The following DSCAM variants were observed in gnomAD, a reference collection of about 807,000 sequenced individuals.
The protein encoded by DSCAM is cell adhesion molecule DSCAM.
In DSCAM, 47 loss-of-function variants were observed where a neutral mutation model predicts 217.7. The observed-to-expected ratio is 0.22, with a 90% CI of 0.17 to 0.28. DSCAM has a LOEUF of 0.28. Ranked by LOEUF, DSCAM falls within the 10% of genes least tolerant of loss-of-function variation. The pLI, the probability that DSCAM is intolerant of heterozygous loss-of-function variation, is 1.00. For missense variants in DSCAM, 2,080 were observed against 2,618.3 expected (o/e 0.79, Z 4.49); for synonymous variants, 1,056 against 1,015.3 (o/e 1.04, Z -0.76).
At chr21:40,265,027 GA>G (rs112537966) in intron 11 of DSCAM, among the ~76,000 whole-genome samples, 7 of 151,206 alleles carry the variant, frequency 4.6e-5, no homozygotes, top group Admixed American at 1.3e-4. Flanking sequence ...CATTTATACT[GA>G]AAAAAAATAT....
At chr21:40,619,862 C>T (rs1189090067) in intron 3 of DSCAM, among the ~76,000 whole-genome samples, 1 of 143,402 alleles carries the variant, frequency 7.0e-6, no homozygotes, top group Non-Finnish European at 1.5e-5. Context: ...AAAAGCTCAA[C>T]ATATTAGTAA....
intron 3 of DSCAM, among the ~76,000 whole-genome samples, chr21:40,625,235 G>A (rs2089584579): frequency 6.6e-6 from 1 of 152,030 alleles, no homozygotes; most frequent in African/African-American, 2.4e-5. Flanking sequence ...AGAAACCACA[G>A]AGATATACAT....
chr21:40,577,728 GAAGTT>G (rs1283931459), intron 3 of DSCAM, among the ~76,000 whole-genome samples: 12 of 152,306 alleles, frequency 7.9e-5, no homozygotes, highest in Admixed American at 6.5e-5. Flanking sequence ...CAATTTTACA[GAAGTT>G]AAGTAGGCAA....
chr21:40,762,059 G>A (rs2091341070), intron 1 of DSCAM, among the ~76,000 whole-genome samples: 1 of 152,146 alleles, frequency 6.6e-6, no homozygotes, highest in African/African-American at 2.4e-5. Context: ...AACTAGAGAA[G>A]CAAGAGCAAA....
chr21:40,475,655 A>AC lies in DSCAM; in HGVS notation c.509-106411dup, dbSNP rs202210835. Among the ~76,000 whole-genome samples the AC allele has an allele frequency of 1.3e-3, 198 of 152,182 alleles. 5 individuals carry two copies. In the East Asian group the frequency reaches 0.037, roughly 28 times the overall value. ...AGACCAGCCTGACCAACATGGTGAG[A>AC]CCCCATCTCTACTAAAAATATAAAA... On this transcript the variant is annotated intron_variant, in intron 3 of 32. Coordinates refer to ENST00000400454, the MANE Select transcript of DSCAM (RefSeq NM_001389.5).
At chr21:40,329,010 AAACAAGCATCGGTG>A (rs1389542138) in intron 8 of DSCAM, among the ~76,000 whole-genome samples, 16 of 152,370 alleles carry the variant, frequency 1.1e-4, no homozygotes, top group African/African-American at 3.8e-4. Flanking sequence ...AACATGAAAA[AAACAAGCATCGGTG>A]AACATGTGGA....
At chr21:40,348,253 C>T (rs202048673) in intron 5 of DSCAM, among the ~76,000 whole-genome samples, 4 of 123,270 alleles carry the variant, frequency 3.2e-5, no homozygotes, top group East Asian at 2.5e-4. Context: ...ATACCCCATA[C>T]GGTTCCTATC....
At chr21:40,170,147 T>G (rs1274471865) in intron 15 of DSCAM, among the ~76,000 whole-genome samples, 1 of 152,172 alleles carries the variant, frequency 6.6e-6, no homozygotes, top group Non-Finnish European at 1.5e-5. Flanking sequence ...ACGGGACCCC[T>G]GGGTAGAGCC....
At chr21:40,027,147 G>C (rs1278827697) in intron 32 of DSCAM, among the ~76,000 whole-genome samples, 25 of 151,976 alleles carry the variant, frequency 1.6e-4, no homozygotes, top group Non-Finnish European at 3.4e-4. Flanking sequence ...GCTTAGTTTG[G>C]CTGGATATGA....
intron 3 of DSCAM, among the ~76,000 whole-genome samples, chr21:40,548,503 T>TAA (rs60211777): frequency 6.6e-5 from 6 of 90,308 alleles, no homozygotes; most frequent in African/African-American, 1.4e-4. Context: ...AATAAACCAG[T>TAA]AAAAAAAAAA....
Position 40,144,030 on chromosome 21 carries a change from G to A in DSCAM, c.3259+461C>T, listed in dbSNP as rs1292898638. Reference sequence around the variant, plus strand: ...ATTAATTTATCTCGGCCGCTAGGGGGCGATCGATCACTGTGCAATCTGAAA... The same window carrying A: ...ATTAATTTATCTCGGCCGCTAGGGGACGATCGATCACTGTGCAATCTGAAA... On this transcript the variant is annotated intron_variant, in intron 17 of 32. Coordinates refer to ENST00000400454, the MANE Select transcript of DSCAM (RefSeq NM_001389.5). The surrounding 1 kb of genome is among the most constrained non-coding windows in gnomAD (Gnocchi z 4.8). Among the ~76,000 whole-genome samples, 1 of 152,188 alleles carries A rather than the reference G, an allele frequency of 6.6e-6. No individual in the cohort carries two copies. Among genetic ancestry groups the A allele is most frequent in the African/African-American group, 2.4e-5 (1 of 41,454 alleles).
intron 3 of DSCAM, among the ~76,000 whole-genome samples, chr21:40,412,697 G>T (rs557578519): frequency 6.6e-6 from 1 of 152,348 alleles, no homozygotes; most frequent in African/African-American, 2.4e-5. Context: ...GGGAAAATTT[G>T]TAACATCACC....
intron 3 of DSCAM, among the ~76,000 whole-genome samples, chr21:40,400,236 A>C (rs996352099): frequency 2.6e-5 from 4 of 152,184 alleles, no homozygotes; most frequent in African/African-American, 9.7e-5. Flanking sequence ...ATTTTAAAAT[A>C]TGTATTTATT....
intron 11 of DSCAM, among the ~76,000 whole-genome samples, chr21:40,246,867 T>A (rs993629717): frequency 2.0e-5 from 3 of 152,144 alleles, no homozygotes; most frequent in Non-Finnish European, 4.4e-5. Flanking sequence ...CCTTGATGAA[T>A]GTATTAGTCC....
At chr21:40,532,318 A>T (rs1043674040) in intron 3 of DSCAM, among the ~76,000 whole-genome samples, 1 of 152,106 alleles carries the variant, frequency 6.6e-6, no homozygotes, top group Non-Finnish European at 1.5e-5. Flanking sequence ...TAAATAAAAG[A>T]TCCATCTTTT....
At chr21:40,353,390 CAT>C in intron 5 of DSCAM, 73 bp downstream of exon 5, 1 of 1,559,344 alleles carries the variant, frequency 6.4e-7, no homozygotes, top group Non-Finnish European at 8.6e-7. Context: ...ACAGAGAAAA[CAT>C]GGAGATTTGC....
chr21:40,156,287 C>CAGAGAGAGAGAGAGAGAGAG (rs749781848), intron 16 of DSCAM, among the ~76,000 whole-genome samples: 4 of 75,748 alleles, frequency 5.3e-5, no homozygotes, highest in African/African-American at 8.6e-5. Context: ...CAAACTAAGA[C>CAGAGAGAGAGAGAGAGAGAG]AGAGAGAGAG....
intron 32 of DSCAM, among the ~76,000 whole-genome samples, chr21:40,032,395 T>C (rs1053875616): frequency 2.6e-5 from 4 of 152,150 alleles, no homozygotes; most frequent in Non-Finnish European, 4.4e-5. Context: ...GGTGTAGTTT[T>C]TAAAGTTCAC....
chr21:40,331,921 T>A (rs545577002), intron 8 of DSCAM, among the ~76,000 whole-genome samples: 14 of 152,276 alleles, frequency 9.2e-5, no homozygotes, highest in Admixed American at 2.0e-4. Flanking sequence ...TTCCTGTCTA[T>A]TTTTTTAAAT....
Sources: gnomAD v4.1 joint callset for allele counts (sites outside exome capture counted in the v4.1 genomes callset) on GRCh38, gnomAD v4.1.1 for gene constraint, Gnocchi (gnomAD v3.1) non-coding constraint, MANE v1.5 for transcripts, NCBI Gene and HGNC (gene_info 2026-07-23, HGNC 2026-07-21) for gene names.